Variants in PXDNL observed in about 807,000 individuals in gnomAD.
PXDNL encodes probable oxidoreductase PXDNL.
A neutral mutation model predicts 150.8 loss-of-function variants in PXDNL; 145 were observed. The observed-to-expected ratio is 0.96, with a 90% CI of 0.84 to 1.10. PXDNL has a LOEUF of 1.10. Among genes scored for constraint, PXDNL ranks in the 50% least tolerant of loss-of-function variants. PXDNL has a pLI of 0.00. For synonymous variants in PXDNL, 757 were observed against 725.7 expected, an observed-to-expected ratio of 1.04 and a Z score of -0.69; for missense variants, 2,087 against 1,873.9, an observed-to-expected ratio of 1.11 and a Z score of -2.10.
chr8:51,320,927 G>A (rs1164299321), intron 21 of PXDNL, 30 bp from the exon 22 acceptor site: 2 of 1,522,088 alleles, frequency 1.3e-6, no homozygotes, highest in Non-Finnish European at 9.1e-7. Flanking sequence ...AAAGAAGAGT[G>A]GAAATTGAAG....
At chr8:51,407,871 G>T (rs761148535) in intron 17 of PXDNL, among the ~76,000 whole-genome samples, 196 bp downstream of exon 17, 2 of 152,106 alleles carry the variant, frequency 1.3e-5, no homozygotes, top group African/African-American at 4.8e-5. Context: ...CAAGGAGGTG[G>T]ATAGAAAAAG....
intron 2 of PXDNL, among the ~76,000 whole-genome samples, chr8:51,650,101 CAAA>C (rs11451376): frequency 8.8e-6 from 1 of 113,324 alleles, no homozygotes; most frequent in Non-Finnish European, 1.7e-5. Context: ...GACTTTGTCT[CAAA>C]AAAAAAAAAA....
intron 19 of PXDNL, among the ~76,000 whole-genome samples, chr8:51,361,960 A>AAAAAAAAAAAAAAAG (rs1563374211): frequency 3.4e-5 from 5 of 148,896 alleles, no homozygotes; most frequent in African/African-American, 1.0e-4. Flanking sequence ...AAAAAAAAAA[A>AAAAAAAAAAAAAAAG]AAAAAGAAAA....
intron 1 of PXDNL, among the ~76,000 whole-genome samples, chr8:51,805,241 G>A (rs1158011351): frequency 6.6e-6 from 1 of 151,368 alleles, no homozygotes; most frequent in Non-Finnish European, 1.5e-5. Context: ...AAGTTATGTC[G>A]GTTACAAACA....
In PXDNL at chr8:51,657,941, C is replaced by A. The variant is rs528661702; in HGVS notation, c.165-3181G>T. 2.0e-5 allele frequency among the ~76,000 whole-genome samples: 3 copies of A among 152,228 alleles called. No homozygotes were observed. In the South Asian group the frequency reaches 6.2e-4, roughly 32 times the overall value. ...GTAAGCTGGTGCCATAGAAAGGTCTCCAGGGTACCCAGGCTCAGTGGACTG... is the reference window on the plus strand; with the variant it reads ...GTAAGCTGGTGCCATAGAAAGGTCTACAGGGTACCCAGGCTCAGTGGACTG... On this transcript the variant is annotated intron_variant, in intron 1 of 22. Transcript: ENST00000356297.
intron 14 of PXDNL, among the ~76,000 whole-genome samples, chr8:51,423,284 C>T (rs1192773868): frequency 6.6e-6 from 1 of 152,182 alleles, no homozygotes; most frequent in African/African-American, 2.4e-5. Context: ...GCTATAAATA[C>T]ATCTTGCATT....
intron 1 of PXDNL, among the ~76,000 whole-genome samples, chr8:51,744,928 AAAAGAAAGAAAGAAAGAAAGAAAGAAAG>A (rs1193132745): frequency 7.9e-5 from 7 of 88,330 alleles, no homozygotes; most frequent in African/African-American, 2.8e-4. Context: ...GAAAGAAAGA[AAAAGAAAGAAAGAAAGAAAGAAAGAAAG>A]AAAGAAAGAA....
At chr8:51,375,037 A>ATG (rs542972474) in intron 17 of PXDNL, among the ~76,000 whole-genome samples, 5 of 152,316 alleles carry the variant, frequency 3.3e-5, no homozygotes, top group African/African-American at 1.2e-4. Context: ...ATATATATAT[A>ATG]TATGCAAGTG....
intron 3 of PXDNL, among the ~76,000 whole-genome samples, chr8:51,592,323 A>T (rs1264239476): frequency 2.0e-5 from 3 of 152,224 alleles, no homozygotes; most frequent in Non-Finnish European, 4.4e-5. Context: ...GAATTTTTTT[A>T]AATTACTGAG....
intron 17 of PXDNL, 101 bp from the exon 18 acceptor site, chr8:51,374,832 A>G (rs1807253693): frequency 1.5e-6 from 2 of 1,364,438 alleles, no homozygotes; most frequent in African/African-American, 2.9e-5. Flanking sequence ...ATCCACACAA[A>G]AAAAGAAAAG....
chr8:51,803,140 C>T (rs897138992), intron 1 of PXDNL, among the ~76,000 whole-genome samples: 1 of 152,178 alleles, frequency 6.6e-6, no homozygotes, highest in African/African-American at 2.4e-5. Flanking sequence ...CTTCCAGAGG[C>T]CTTGGCTCAC....
chr8:51,425,200 T>A (rs1043734653), intron 13 of PXDNL, among the ~76,000 whole-genome samples: 15 of 152,248 alleles, frequency 9.9e-5, no homozygotes, highest in Non-Finnish European at 2.2e-4. Flanking sequence ...GCACATTCCT[T>A]ATCTGCTTAT....
At chr8:51,406,934 G>A (rs1380207199) in intron 17 of PXDNL, among the ~76,000 whole-genome samples, 1 of 152,186 alleles carries the variant, frequency 6.6e-6, no homozygotes, top group African/African-American at 2.4e-5. Context: ...AACATCTACG[G>A]CTAACATTTA....
chr8:51,691,892 C>T (rs1038236686), intron 1 of PXDNL, among the ~76,000 whole-genome samples: 3 of 152,192 alleles, frequency 2.0e-5, no homozygotes, highest in African/African-American at 7.2e-5. Flanking sequence ...CATTTCAAAT[C>T]CCCACCATCT....
chr8:51,524,667 A>T (rs1585548648), intron 4 of PXDNL, among the ~76,000 whole-genome samples: 2 of 152,260 alleles, frequency 1.3e-5, no homozygotes, highest in South Asian at 4.1e-4. Context: ...AGTACTTCTC[A>T]ATTAATTTTT....
chr8:51,791,544 G>T (rs2037513514), intron 1 of PXDNL, among the ~76,000 whole-genome samples: 1 of 152,240 alleles, frequency 6.6e-6, no homozygotes. Context: ...TGTCATCCAG[G>T]TGACTTTCTG....
At chr8:51,378,504 T>A (rs1428504160) in intron 17 of PXDNL, among the ~76,000 whole-genome samples, 2 of 152,154 alleles carry the variant, frequency 1.3e-5, no homozygotes, top group African/African-American at 4.8e-5. Context: ...AGGATGTGGG[T>A]GGGGCCAGAA....
chr8:51,392,387 C>T (rs1376971505), intron 17 of PXDNL, among the ~76,000 whole-genome samples: 1 of 152,104 alleles, frequency 6.6e-6, no homozygotes, highest in African/African-American at 2.4e-5. Flanking sequence ...AATGTTCTTC[C>T]ATTTCTTTGT....
At chr8:51,631,483 G>T (rs1312655854) in intron 2 of PXDNL, among the ~76,000 whole-genome samples, 1 of 152,002 alleles carries the variant, frequency 6.6e-6, no homozygotes, top group Non-Finnish European at 1.5e-5. Flanking sequence ...ATAAACAAGA[G>T]CTAAGAGATT....
Sources: allele counts gnomAD v4.1 joint callset (sites outside exome capture counted in the v4.1 genomes callset), GRCh38; gene constraint gnomAD v4.1.1; transcripts MANE v1.5; gene names NCBI Gene and HGNC (gene_info 2026-07-23, HGNC 2026-07-21).